The following SLCO3A1 variants were observed in gnomAD, a reference collection of about 807,000 sequenced individuals.
SLCO3A1 encodes PGE1 transporter.
SLCO3A1 carries 27 observed loss-of-function variants against 63.1 expected under a neutral mutation model. The observed-to-expected ratio is 0.43, with a 90% confidence interval of 0.32 to 0.59. The LOEUF is 0.59. Ranked by LOEUF, SLCO3A1 falls within the 20% of genes least tolerant of loss-of-function variation. The probability of loss-of-function intolerance (pLI) is 0.09; values close to 1 mark genes in which losing one functional copy is unlikely to be tolerated. For missense variants in SLCO3A1, 773 were observed against 945.8 expected (o/e 0.82, Z 2.40); for synonymous variants, 473 against 409.9 (o/e 1.15, Z -1.86).
chr15:92,028,456 TG>T (rs2046603546), intron 2 of SLCO3A1, among the ~76,000 whole-genome samples: 1 of 152,192 alleles, frequency 6.6e-6, no homozygotes, highest in Non-Finnish European at 1.5e-5. Flanking sequence ...AGATGTTTAT[TG>T]AACGCCGACA....
chr15:91,905,634 T>G (rs1301608153), intron 1 of SLCO3A1, among the ~76,000 whole-genome samples: 1 of 145,380 alleles, frequency 6.9e-6, no homozygotes, highest in Admixed American at 6.8e-5. Context: ...TAGTTTTTTG[T>G]TTTTTTTTTA....
intron 2 of SLCO3A1, among the ~76,000 whole-genome samples, chr15:91,971,949 T>C (rs190490551): frequency 6.6e-6 from 1 of 152,306 alleles, no homozygotes; most frequent in Admixed American, 6.5e-5. Flanking sequence ...TTTTTTTTTA[T>C]GAGTTTGGAA....
chr15:92,097,462 A>G (rs2151539497), intron 3 of SLCO3A1, among the ~76,000 whole-genome samples: 1 of 152,274 alleles, frequency 6.6e-6, no homozygotes, highest in South Asian at 2.1e-4. Flanking sequence ...CTGTTCCTTC[A>G]GCCTGGAATG....
chr15:92,145,708 G>A (rs886228953), intron 7 of SLCO3A1, among the ~76,000 whole-genome samples: 3 of 152,228 alleles, frequency 2.0e-5, no homozygotes, highest in African/African-American at 4.8e-5. Flanking sequence ...GCGGGGCCTC[G>A]GGATCTTCTG....
intron 1 of SLCO3A1, among the ~76,000 whole-genome samples, chr15:91,855,487 T>C (rs1269908279): frequency 6.6e-6 from 1 of 152,234 alleles, no homozygotes; most frequent in African/African-American, 2.4e-5. Flanking sequence ...GGTCTCTGTC[T>C]TGTGCATTCG....
At chr15:91,951,741 G>T (rs1400669977) in intron 2 of SLCO3A1, among the ~76,000 whole-genome samples, 2 of 151,966 alleles carry the variant, frequency 1.3e-5, no homozygotes, top group African/African-American at 2.4e-5. Context: ...TTTTAGTAGA[G>T]ACGGGGTTTC....
At chr15:91,979,610 G>T (rs2045958676) in intron 2 of SLCO3A1, among the ~76,000 whole-genome samples, 1 of 152,160 alleles carries the variant, frequency 6.6e-6, no homozygotes. Flanking sequence ...AAGTAAATTT[G>T]CTGTCACTTA....
At chr15:91,930,591 C>T (rs1441129627) in intron 2 of SLCO3A1, among the ~76,000 whole-genome samples, 1 of 152,146 alleles carries the variant, frequency 6.6e-6, no homozygotes, top group African/African-American at 2.4e-5. Flanking sequence ...ATTTAATTGT[C>T]TACATTTTAT....
intron 7 of SLCO3A1, among the ~76,000 whole-genome samples, chr15:92,142,656 C>G (rs574577294): frequency 3.8e-4 from 58 of 152,198 alleles, no homozygotes; most frequent in Non-Finnish European, 7.6e-4. Context: ...CCTGTGGCAG[C>G]TTAACCCTGC....
chr15:92,042,838 G>A (rs115166827), intron 2 of SLCO3A1, among the ~76,000 whole-genome samples: 1 of 152,086 alleles, frequency 6.6e-6, no homozygotes, highest in East Asian at 1.9e-4. Flanking sequence ...AGTTGATGTC[G>A]TGTTTTGGGA....
intron 2 of SLCO3A1, among the ~76,000 whole-genome samples, chr15:91,956,113 G>A (rs1597154601): frequency 2.0e-5 from 3 of 152,246 alleles, no homozygotes; most frequent in South Asian, 4.1e-4. Context: ...CGTGCACTGG[G>A]GTCAGAGGCC....
In SLCO3A1 at chr15:92,021,307, T is replaced by A. The variant is rs1047941030; in HGVS notation, c.647-73574T>A. 3.9e-5 allele frequency among the ~76,000 whole-genome samples: 6 copies of A among 152,246 alleles called. No homozygotes were observed. In the East Asian group the frequency reaches 9.6e-4, roughly 24 times the overall value. ...TTAGCCTCTCCCATTCTGTATACAT[T>A]TCTCATGTACCTATCATACCATTTA... On this transcript the variant is annotated intron_variant, in intron 2 of 9. Transcript: ENST00000318445.
chr15:91,854,341 G>C lies in SLCO3A1; in HGVS notation c.180+253G>C, dbSNP rs532746672. On this transcript the variant is annotated intron_variant, in intron 1 of 9. Coordinates refer to ENST00000318445, the MANE Select transcript of SLCO3A1 (RefSeq NM_013272.4). The surrounding 1 kb of genome is among the most constrained non-coding windows in gnomAD (Gnocchi z 6.4). ...GCGTCCGGCTGGGGCAGGGGGTGCCGGGGGAGGAGAGGCGGCGGGCAGGTG... is the reference window on the plus strand; with the variant it reads ...GCGTCCGGCTGGGGCAGGGGGTGCCCGGGGAGGAGAGGCGGCGGGCAGGTG... 2 of 1,126,500 alleles carry C rather than the reference G, an allele frequency of 1.8e-6. No homozygotes were observed. Among genetic ancestry groups the C allele is most frequent in the East Asian group, 4.7e-5 (1 of 21,126 alleles). 69.8% of individuals were successfully genotyped at this position (1,126,500 alleles called of 1,614,324 possible).
At chr15:92,083,435 T>A (rs1215532589) in intron 2 of SLCO3A1, among the ~76,000 whole-genome samples, 1 of 152,152 alleles carries the variant, frequency 6.6e-6, no homozygotes, top group African/African-American at 2.4e-5. Context: ...GAGCAGAGGT[T>A]TGAGTGCAGG....
At chr15:92,004,449 G>T (rs2046290842) in intron 2 of SLCO3A1, among the ~76,000 whole-genome samples, 1 of 152,246 alleles carries the variant, frequency 6.6e-6, no homozygotes, top group Admixed American at 6.5e-5. Flanking sequence ...TGACAATGAT[G>T]ATGACTATCC....
chr15:91,873,142 A>G (rs1897318134), intron 1 of SLCO3A1, among the ~76,000 whole-genome samples: 2 of 152,380 alleles, frequency 1.3e-5, no homozygotes, highest in East Asian at 3.9e-4. Flanking sequence ...TCATTTTTCA[A>G]AATTTTAGTG....
At chr15:92,032,698 C>T (rs1268877199) in intron 2 of SLCO3A1, among the ~76,000 whole-genome samples, 1 of 151,986 alleles carries the variant, frequency 6.6e-6, no homozygotes, top group African/African-American at 2.4e-5. Context: ...GTGCAGAGGC[C>T]CCCATCGAAG....
chr15:92,115,183 G>A (rs1465723004), intron 4 of SLCO3A1, among the ~76,000 whole-genome samples: 1 of 152,036 alleles, frequency 6.6e-6, no homozygotes, highest in South Asian at 2.1e-4. Flanking sequence ...CAATTCCGGG[G>A]AACTGGACAT....
intron 7 of SLCO3A1, among the ~76,000 whole-genome samples, chr15:92,143,977 G>C (rs541024198): frequency 3.3e-5 from 5 of 152,308 alleles, no homozygotes; most frequent in African/African-American, 9.6e-5. Flanking sequence ...ACCAGAGGTG[G>C]GCATGGCGCC....
Sources: gnomAD v4.1 joint callset for allele counts (sites outside exome capture counted in the v4.1 genomes callset) on GRCh38, gnomAD v4.1.1 for gene constraint, Gnocchi (gnomAD v3.1) non-coding constraint, MANE v1.5 for transcripts, NCBI Gene and HGNC (gene_info 2026-07-23, HGNC 2026-07-21) for gene names.